PPARA: variants seen among roughly 807,000 people sequenced by gnomAD.
PPARA encodes the protein peroxisome proliferator-activated receptor alpha.
In PPARA, 22 loss-of-function variants were observed where a neutral mutation model predicts 42.2. The observed-to-expected ratio is 0.52, with a 90% CI of 0.37 to 0.74. The LOEUF is 0.74. Ranked by LOEUF, PPARA falls within the 30% of genes least tolerant of loss-of-function variation. PPARA has a pLI of 0.00. For synonymous variants in PPARA, 242 were observed against 239.3 expected (o/e 1.01, Z -0.10); for missense variants, 465 against 608.2 (o/e 0.76, Z 2.48).
rs1252093332 is a variant in PPARA, at chr22:46,211,856, T to G, written c.209-3317T>G. ...ACGCACCACCACCCCTGGCTAACTT[T>G]TTGTATTTTTACAAAATACAAAAGA... is the stretch of plus-strand genomic sequence containing the variant. On this transcript the variant is annotated intron_variant, in intron 4 of 8. Coordinates refer to ENST00000407236, the MANE Select transcript of PPARA (RefSeq NM_005036.6). This position sits in a 1 kb window ranked among gnomAD's most constrained non-coding sequence, Gnocchi z 4.1. Among the ~76,000 whole-genome samples the G allele has an allele frequency of 6.6e-6, 1 of 152,110 alleles. No individual in the cohort carries two copies. Among genetic ancestry groups the G allele is most frequent in the Admixed American group, 6.6e-5 (1 of 15,242 alleles).
chr22:46,231,860 C>CA lies in PPARA; in HGVS notation c.782dup (p.Asn261LysfsTer55). On this transcript the variant is annotated frameshift_variant, in exon 8 of 9. Coordinates refer to ENST00000407236, the MANE Select transcript of PPARA (RefSeq NM_005036.6). LOFTEE classifies it high-confidence loss of function. This position sits in a 1 kb window ranked among gnomAD's most constrained non-coding sequence, Gnocchi z 7.7. The stretch of plus-strand genomic sequence containing the variant: ...AGACGCTGGTGGCCAAGCTGGTGGC[C>CA]AATGGCATCCAGAACAAGGAGGCGG... 6.2e-7 allele frequency: 1 copy of CA among 1,614,114 alleles called. No homozygotes were observed. The highest frequency in any genetic ancestry group is 8.5e-7 in the Non-Finnish European group (1 of 1,180,038).
chr22:46,168,864 T>G (rs957690900), intron 2 of PPARA, among the ~76,000 whole-genome samples: 2 of 151,938 alleles, frequency 1.3e-5, no homozygotes, highest in African/African-American at 4.8e-5. Flanking sequence ...TGGAAAACAT[T>G]TTGGCAAATA....
In PPARA at chr22:46,242,589, C is replaced by T. The variant is rs78864133; in HGVS notation, c.*7209C>T. ...CAAATATTTTACTAACTTACAATCA[C>T]TCATTTAATAAGAAACATTTGGATT... On this transcript the variant is annotated 3_prime_UTR_variant, in exon 9 of 9. Transcript: ENST00000407236. The surrounding 1 kb of genome is among the most constrained non-coding windows in gnomAD (Gnocchi z 6.1). The T allele has an allele frequency of 0.1, 15,197 of 152,638 alleles. 830 individuals carry two copies. Among genetic ancestry groups the T allele is most frequent in the Non-Finnish European group, 0.11 (7,650 of 68,020 alleles). The allele number at this position is 152,638 out of a possible 1,614,324, so 9.5% of individuals were successfully genotyped here. A position where few individuals can be genotyped will look rare whatever the true frequency, so the allele number is the denominator to read the frequency against.
chr22:46,193,241 A>G lies in PPARA; in HGVS notation c.-42-5101A>G, dbSNP rs1931800643. Among the ~76,000 whole-genome samples the G allele has an allele frequency of 6.6e-6, 1 of 152,018 alleles. No individual in the cohort carries two copies. Among genetic ancestry groups the G allele is most frequent in the African/African-American group, 2.4e-5 (1 of 41,394 alleles). On this transcript the variant is annotated intron_variant, in intron 3 of 8. Coordinates refer to ENST00000407236, the MANE Select transcript of PPARA (RefSeq NM_005036.6). The surrounding 1 kb of genome is among the most constrained non-coding windows in gnomAD (Gnocchi z 5.3). Reference sequence around the variant, plus strand: ...GCCACCACACCTGGCTAATGTTTGTATTTTTAGTAGGGACCGGGTTTCACC... The same window carrying G: ...GCCACCACACCTGGCTAATGTTTGTGTTTTTAGTAGGGACCGGGTTTCACC...
Position 46,180,424 on chromosome 22 carries a change from G to A in PPARA, c.-43+3588G>A, listed in dbSNP as rs1929784506. Among the ~76,000 whole-genome samples the A allele has an allele frequency of 6.6e-6, 1 of 152,148 alleles. No homozygotes were observed. On this transcript the variant is annotated intron_variant, in intron 3 of 8. Coordinates refer to ENST00000407236, the MANE Select transcript of PPARA (RefSeq NM_005036.6). The surrounding 1 kb of genome is among the most constrained non-coding windows in gnomAD (Gnocchi z 4.2). ...CCCCACTGAAGTTAGAGTTAAGAAAGAATATTAATTTTCCTTGTGTGAAAC... is the reference window on the plus strand; with the variant it reads ...CCCCACTGAAGTTAGAGTTAAGAAAAAATATTAATTTTCCTTGTGTGAAAC...
At position 46,215,070 on chromosome 22, in the gene PPARA, A is replaced by C. The variant is rs1934346127; in HGVS notation, c.209-103A>C. The C allele has an allele frequency of 4.2e-6, 6 of 1,436,936 alleles. No homozygotes were observed. The South Asian group carries it at 7.0e-5, about 17-fold the overall frequency. The allele number at this position is 1,436,936 out of a possible 1,614,324, so 89.0% of individuals were successfully genotyped here. ...ATGGGTGTTCTGAGGTTTATGCCTC[A>C]GCACTAGAAGCCTCGTATGCGAAAT... On this transcript the variant is annotated intron_variant, in intron 4 of 8. Transcript: ENST00000407236.
chr22:46,185,919 ATATATATATATATATATATATAT>A (rs1930690861), intron 3 of PPARA, among the ~76,000 whole-genome samples: 4 of 9,782 alleles, frequency 4.1e-4, no homozygotes, highest in African/African-American at 1.5e-3. Context: ...AAAAAAAAAT[ATATATATATATATATATATATAT>A]ATATATATAT....
At chr22:46,226,063 T>C (rs1935422333) in intron 7 of PPARA, among the ~76,000 whole-genome samples, 1 of 151,588 alleles carries the variant, frequency 6.6e-6, no homozygotes, top group Non-Finnish European at 1.5e-5. Context: ...CACATGTGCT[T>C]ATACATGCTC....
rs1935310663 is a variant in PPARA, at chr22:46,225,095, C to T, written c.711+5081C>T. On this transcript the variant is annotated intron_variant, in intron 7 of 8. Transcript: ENST00000407236. The surrounding 1 kb of genome is among the most constrained non-coding windows in gnomAD (Gnocchi z 4.1). ...CTGTGGGGGCAGGGGGAGGCCGCTG[C>T]ATGGAGCCGCATAGATGCCATTGCT... Among the ~76,000 whole-genome samples, 1 of 152,044 alleles carries T rather than the reference C, an allele frequency of 6.6e-6. No individual in the cohort carries two copies. The highest frequency in any genetic ancestry group is 2.1e-4 in the South Asian group (1 of 4,820).
intron 7 of PPARA, among the ~76,000 whole-genome samples, chr22:46,226,190 C>A (rs1367495476): frequency 2.0e-5 from 3 of 152,096 alleles, no homozygotes; most frequent in African/African-American, 7.2e-5. Flanking sequence ...CACACGCATA[C>A]CCACACTCAC....
chr22:46,190,957 G>A lies in PPARA; in HGVS notation c.-42-7385G>A, dbSNP rs939469027. Among the ~76,000 whole-genome samples, 3 of 152,136 alleles carry A rather than the reference G, an allele frequency of 2.0e-5. No individual in the cohort carries two copies. Among genetic ancestry groups the A allele is most frequent in the Admixed American group, 6.5e-5 (1 of 15,268 alleles). On this transcript the variant is annotated intron_variant, in intron 3 of 8. Transcript: ENST00000407236. This position sits in a 1 kb window ranked among gnomAD's most constrained non-coding sequence, Gnocchi z 5.6. Reference sequence around the variant, plus strand: ...TGTAATCCCAGCACTTTGGGAGGCCGAGGTGGGCGGATTACCTGAGGTCAG... The same window carrying A: ...TGTAATCCCAGCACTTTGGGAGGCCAAGGTGGGCGGATTACCTGAGGTCAG...
rs1931361805 is a variant in PPARA at position 46,190,217 on chromosome 22, A to G, written c.-42-8125A>G. On this transcript the variant is annotated intron_variant, in intron 3 of 8. Transcript: ENST00000407236. This position sits in a 1 kb window ranked among gnomAD's most constrained non-coding sequence, Gnocchi z 5.6. ...GAGAAAAATCTGTCTTCTGATGGTC[A>G]CCTGCCCCAGCAACACTACTCGTTT... Among the ~76,000 whole-genome samples the G allele has an allele frequency of 1.3e-5, 2 of 152,202 alleles. No individual in the cohort carries two copies. The highest frequency in any genetic ancestry group is 4.8e-5 in the African/African-American group (2 of 41,460).
intron 2 of PPARA, among the ~76,000 whole-genome samples, chr22:46,169,315 A>G (rs1475670517): frequency 2.0e-5 from 3 of 151,950 alleles, no homozygotes; most frequent in South Asian, 4.1e-4. Flanking sequence ...GCTCACTGCA[A>G]GCTCCGCCTC....
At chr22:46,174,166 G>T (rs926772138) in intron 2 of PPARA, among the ~76,000 whole-genome samples, 3 of 145,032 alleles carry the variant, frequency 2.1e-5, no homozygotes, top group African/African-American at 7.9e-5. Flanking sequence ...AACAGAGCAA[G>T]ACTCTGTCTT....
In PPARA at chr22:46,219,731, C is replaced by T; in HGVS notation, c.509-81C>T. On this transcript the variant is annotated intron_variant, in intron 6 of 8. Transcript: ENST00000407236. The surrounding 1 kb of genome is among the most constrained non-coding windows in gnomAD (Gnocchi z 4.8). ...GAATTTTCATTCCTGGTTTAAAGTCCTGGGGGAGCCCCTCGTCCAGCCCTG... is the reference window on the plus strand; with the variant it reads ...GAATTTTCATTCCTGGTTTAAAGTCTTGGGGGAGCCCCTCGTCCAGCCCTG... The T allele has an allele frequency of 7.1e-7, 1 of 1,402,124 alleles. No individual in the cohort carries two copies. Among genetic ancestry groups the T allele is most frequent in the Non-Finnish European group, 1.0e-6 (1 of 991,742 alleles). The allele number at this position is 1,402,124 out of a possible 1,614,324, so 86.9% of individuals were successfully genotyped here. A position where few individuals can be genotyped will look rare whatever the true frequency, so the allele number is the denominator to read the frequency against.
Position 46,167,442 on chromosome 22 carries a change from G to A in PPARA, c.-126-9311G>A, listed in dbSNP as rs1569189868. On this transcript the variant is annotated intron_variant, in intron 2 of 8. Coordinates refer to ENST00000407236, the MANE Select transcript of PPARA (RefSeq NM_005036.6). This position sits in a 1 kb window ranked among gnomAD's most constrained non-coding sequence, Gnocchi z 4.1. ...AAGGCGGGTGGATCACTTGGCCCCA[G>A]GAGTTACAAGACCATCCTGGGCAAC... 6.6e-6 allele frequency among the ~76,000 whole-genome samples: 1 copy of A among 151,978 alleles called. No homozygotes were observed. Among genetic ancestry groups the A allele is most frequent in the African/African-American group, 2.4e-5 (1 of 41,358 alleles).
At position 46,192,090 on chromosome 22, in the gene PPARA, C is replaced by T. The variant is rs1931643000; in HGVS notation, c.-42-6252C>T. Among the ~76,000 whole-genome samples, 1 of 152,082 alleles carries T rather than the reference C, an allele frequency of 6.6e-6. No homozygotes were observed. Among genetic ancestry groups the T allele is most frequent in the Non-Finnish European group, 1.5e-5 (1 of 67,986 alleles). On this transcript the variant is annotated intron_variant, in intron 3 of 8. Transcript: ENST00000407236. This position sits in a 1 kb window ranked among gnomAD's most constrained non-coding sequence, Gnocchi z 4.3. ...AAAAAAAGAGAAAGAAAGAAATAGA[C>T]ATTGAACACCTGCTACACAGCAGGG...
intron 7 of PPARA, among the ~76,000 whole-genome samples, chr22:46,228,444 G>A (rs1199365311): frequency 6.6e-6 from 1 of 152,204 alleles, no homozygotes; most frequent in Non-Finnish European, 1.5e-5. Context: ...GCTGAGGCAG[G>A]AGAATCACTC....
At chr22:46,206,157 A>C (rs1386562160) in intron 4 of PPARA, among the ~76,000 whole-genome samples, 1 of 152,074 alleles carries the variant, frequency 6.6e-6, no homozygotes, top group African/African-American at 2.4e-5. Flanking sequence ...GCTGGAGTGC[A>C]ATGGCGCTAT....
Sources: allele counts gnomAD v4.1 joint callset (sites outside exome capture counted in the v4.1 genomes callset), GRCh38; gene constraint gnomAD v4.1.1; non-coding constraint Gnocchi (gnomAD v3.1); transcripts MANE v1.5; gene names NCBI Gene and HGNC (gene_info 2026-07-23, HGNC 2026-07-21).